Variants in SUN1 observed in about 807,000 individuals in gnomAD.
The protein encoded by SUN1 is SUN domain-containing protein 1.
Under a neutral mutation model 103.2 loss-of-function variants are expected in SUN1, and 61 were observed. That is an observed-to-expected ratio of 0.59 (90% CI 0.48 to 0.73). The LOEUF (loss-of-function observed/expected upper bound fraction) is 0.73, where lower values mean the gene tolerates loss of function less well. Ranked by LOEUF, SUN1 falls within the 30% of genes least tolerant of loss-of-function variation. The probability of loss-of-function intolerance (pLI) is 0.00; values close to 1 mark genes in which losing one functional copy is unlikely to be tolerated. For missense variants in SUN1, 1,052 were observed against 1,034.6 expected (o/e 1.02, Z -0.23); for synonymous variants, 490 against 425.7 (o/e 1.15, Z -1.86).
In SUN1 at chr7:855,714, G is replaced by A. The variant is rs901498517; in HGVS notation, c.1351-644G>A. Among the ~76,000 whole-genome samples, 9 of 152,330 alleles carry A rather than the reference G, an allele frequency of 5.9e-5. No homozygotes were observed. The South Asian group carries it at 1.4e-3, about 25-fold the overall frequency. On this transcript the variant is annotated intron_variant, in intron 11 of 18. Coordinates refer to ENST00000401592, the MANE Select transcript of SUN1 (RefSeq NM_001130965.3). ...TGGGCTGAGAGGAGCAGGCAGAGGCGAGAATGTACCCGCCTGCGAGGGTCT... is the reference window on the plus strand; with the variant it reads ...TGGGCTGAGAGGAGCAGGCAGAGGCAAGAATGTACCCGCCTGCGAGGGTCT...
At position 873,340 on chromosome 7, in the gene SUN1, C is replaced by T; in HGVS notation, c.*9C>T. The T allele has an allele frequency of 6.2e-7, 1 of 1,609,784 alleles. No individual in the cohort carries two copies. The highest frequency in any genetic ancestry group is 8.5e-7 in the Non-Finnish European group (1 of 1,176,174). ...GCGAACCTGTCAAGTGAAGACACTA[C>T]TCATTATTTTTGTACATTTTTGTAT... On this transcript the variant is annotated 3_prime_UTR_variant, in exon 19 of 19. Transcript: ENST00000401592.
At chr7:818,551 T>C (rs1783018996) in intron 1 of SUN1, among the ~76,000 whole-genome samples, 1 of 152,210 alleles carries the variant, frequency 6.6e-6, no homozygotes, top group Non-Finnish European at 1.5e-5. Context: ...TCTTTGGTTA[T>C]ATACCAAGGA....
At chr7:831,417 G>T (rs1265208954), upstream of SUN1, among the ~76,000 whole-genome samples, 1 of 151,950 alleles carries the variant, frequency 6.6e-6, no homozygotes, top group Non-Finnish European at 1.5e-5. Context: ...GACTACAGGT[G>T]CCCGCCACCA....
intron 1 of SUN1, among the ~76,000 whole-genome samples, chr7:834,283 T>G (rs1028158100): frequency 6.6e-6 from 1 of 151,888 alleles, no homozygotes; most frequent in Non-Finnish European, 1.5e-5. Flanking sequence ...CCTGAAAGGA[T>G]TTAAAGGTGG....
Position 852,887 on chromosome 7 carries a change from C to A in SUN1, c.988C>A (p.Gln330Lys). 1 of 1,614,130 alleles carries A rather than the reference C, an allele frequency of 6.2e-7. No individual in the cohort carries two copies. Among genetic ancestry groups the A allele is most frequent in the Non-Finnish European group, 8.5e-7 (1 of 1,180,030 alleles). Residue 330 changes from glutamine (Q) to lysine (K), a missense_variant, in exon 9 of 19, where the codon CAG becomes AAG. Gln to Lys is a moderately conservative substitution (Grantham distance 53). Transcript: ENST00000401592. ...VLNWASMHRT[Q>K]RVDDPQDVFK... ...GAACTGGGCAAGCATGCATAGAACA[C>A]AGCGGGTGGATGACCCCCAGGACGT... is the stretch of plus-strand genomic sequence containing the variant.
Position 827,147 on chromosome 7 carries a change from A to C in SUN1, c.-74+10474A>C, listed in dbSNP as rs539351389. 2.6e-5 allele frequency among the ~76,000 whole-genome samples: 4 copies of C among 151,786 alleles called. No individual in the cohort carries two copies. The East Asian group carries it at 7.9e-4, about 30-fold the overall frequency. On this transcript the variant is annotated intron_variant, in intron 1 of 17. Transcript: ENST00000389574. ...AGCAATTCTCATGCCTCAGCCTCCCAAGTAGTTGGGACTACAGGCACGTGC... is the reference window on the plus strand; with the variant it reads ...AGCAATTCTCATGCCTCAGCCTCCCCAGTAGTTGGGACTACAGGCACGTGC...
At chr7:866,971 A>G (rs759781223) in intron 16 of SUN1, among the ~76,000 whole-genome samples, 1 of 152,096 alleles carries the variant, frequency 6.6e-6, no homozygotes, top group Non-Finnish European at 1.5e-5. Flanking sequence ...CCTCATATTC[A>G]TGACATGTTT....
upstream of SUN1, among the ~76,000 whole-genome samples, chr7:828,116 C>T (rs1258698858): frequency 6.6e-6 from 1 of 151,138 alleles, no homozygotes; most frequent in Non-Finnish European, 1.5e-5. Context: ...GTTGCCCAGG[C>T]TGGTCTCGAA....
At chr7:856,933 C>T (rs1041894698) in intron 12 of SUN1, among the ~76,000 whole-genome samples, 1 of 152,166 alleles carries the variant, frequency 6.6e-6, no homozygotes, top group Non-Finnish European at 1.5e-5. Context: ...GCGTGGCTGT[C>T]GGCCCTGCCG....
chr7:855,296 G>C lies in SUN1; in HGVS notation c.1350+290G>C, dbSNP rs552641255. On this transcript the variant is annotated intron_variant, in intron 11 of 18. Coordinates refer to ENST00000401592, the MANE Select transcript of SUN1 (RefSeq NM_001130965.3). ...CAGGCGGCCTCTGGGTTCCCATCCAGCTCTTTCCGGCTCCAGGGTGCTTCC... is the reference window on the plus strand; with the variant it reads ...CAGGCGGCCTCTGGGTTCCCATCCACCTCTTTCCGGCTCCAGGGTGCTTCC... 1.1e-4 allele frequency among the ~76,000 whole-genome samples: 16 copies of C among 152,350 alleles called. No homozygotes were observed. In the South Asian group the frequency reaches 3.1e-3, roughly 30 times the overall value.
chr7:843,007 C>G (rs921272994), intron 3 of SUN1, 199 bp from the exon 4 acceptor site: 5 of 751,208 alleles, frequency 6.7e-6, no homozygotes, highest in Non-Finnish European at 1.1e-5. Flanking sequence ...GTATTTTCTT[C>G]AAGGATAAGC....
intron 14 of SUN1, among the ~76,000 whole-genome samples, chr7:860,807 G>A (rs938063709): frequency 1.3e-5 from 2 of 152,182 alleles, no homozygotes; most frequent in African/African-American, 4.8e-5. Flanking sequence ...GAAGGTGAAC[G>A]AGGAGCAAAG....
rs376362502 is a variant in SUN1 at position 860,334 on chromosome 7, C to T, written c.1731C>T (p.Ala577=). 8 of 1,614,080 alleles carry T rather than the reference C, an allele frequency of 5.0e-6. No homozygotes were observed. The highest frequency in any genetic ancestry group is 4.0e-5 in the African/African-American group (3 of 74,938). The change falls in exon 14 of 19, where the codon GCC becomes GCT. Residue 577 remains alanine (A), a synonymous_variant. Transcript: ENST00000401592. The part of the protein sequence containing the change: ...SVTKQLPTSE[A]VVSAVSEAGA... ...CCAAGCAGCTCCCAACCTCAGAAGC[C>T]GTGGTGTCTGCTGTGAGCGAGGCGG...
At chr7:829,849 C>T (rs1002388021), upstream of SUN1, among the ~76,000 whole-genome samples, 1 of 152,180 alleles carries the variant, frequency 6.6e-6, no homozygotes, top group Non-Finnish European at 1.5e-5. Context: ...CCACCGAGCC[C>T]GGCCATAACT....
intron 2 of SUN1, among the ~76,000 whole-genome samples, chr7:840,719 A>G (rs1042461096): frequency 2.7e-4 from 37 of 139,188 alleles, no homozygotes; most frequent in African/African-American, 8.2e-4. Context: ...TCGACTCACC[A>G]CAAGCTCCGC....
upstream of SUN1, among the ~76,000 whole-genome samples, chr7:828,066 G>T (rs1166014055): frequency 6.6e-6 from 1 of 151,420 alleles, no homozygotes; most frequent in Non-Finnish European, 1.5e-5. Flanking sequence ...ACCACACCCG[G>T]CTGATTTTTG....
At chr7:824,880 G>C (rs924784089) in intron 1 of SUN1, among the ~76,000 whole-genome samples, 1 of 152,148 alleles carries the variant, frequency 6.6e-6, no homozygotes, top group Non-Finnish European at 1.5e-5. Context: ...GCGTCCGCTG[G>C]CTGGGTGCTC....
chr7:827,969 A>G (rs1189768540), upstream of SUN1, among the ~76,000 whole-genome samples: 1 of 151,386 alleles, frequency 6.6e-6, no homozygotes, highest in Non-Finnish European at 1.5e-5. Context: ...ATGCGCTGAA[A>G]TATGGGCTCA....
intron 5 of SUN1, among the ~76,000 whole-genome samples, chr7:844,767 C>T (rs571741950): frequency 6.6e-6 from 1 of 152,150 alleles, no homozygotes; most frequent in Non-Finnish European, 1.5e-5. Context: ...ACGGCAGCCC[C>T]CTTATTACAG....
Sources: gnomAD v4.1 joint callset for allele counts (sites outside exome capture counted in the v4.1 genomes callset) on GRCh38, gnomAD v4.1.1 for gene constraint, MANE v1.5 for transcripts, NCBI Gene and HGNC (gene_info 2026-07-23, HGNC 2026-07-21) for gene names.